The following MCC variants were observed in gnomAD, a reference collection of about 807,000 sequenced individuals.
MCC encodes the protein MCC regulator of Wnt signaling pathway.
Under a neutral mutation model 116.2 loss-of-function variants are expected in MCC, and 90 were observed. The ratio of observed to expected loss-of-function variants is 0.77; its 90% confidence interval spans 0.65 to 0.92. The LOEUF is 0.92. Among genes scored for constraint, MCC ranks in the 40% least tolerant of loss-of-function variants. The probability of loss-of-function intolerance (pLI) is 0.00; values close to 1 mark genes in which losing one functional copy is unlikely to be tolerated. For synonymous variants in MCC, 578 were observed against 510.5 expected (o/e 1.13, Z -1.78); for missense variants, 1,516 against 1,312.2 (o/e 1.16, Z -2.40).
At chr5:113,403,059 C>A (rs1222131374) in intron 1 of MCC, among the ~76,000 whole-genome samples, 1 of 152,072 alleles carries the variant, frequency 6.6e-6, no homozygotes, top group African/African-American at 2.4e-5. Context: ...AATTTGGCAG[C>A]ATCTTGTACT....
intron 4 of MCC, among the ~76,000 whole-genome samples, chr5:113,144,970 C>T (rs879926500): frequency 6.6e-6 from 1 of 151,950 alleles, no homozygotes; most frequent in Non-Finnish European, 1.5e-5. Context: ...AACAAAGATG[C>T]TGTAACCAGC....
chr5:113,138,580 C>T (rs1220881905), intron 5 of MCC, among the ~76,000 whole-genome samples: 6 of 152,148 alleles, frequency 3.9e-5, no homozygotes, highest in Non-Finnish European at 8.8e-5. Flanking sequence ...CTTAGACTTC[C>T]CAGCCCCCAG....
chr5:113,119,845 G>A (rs1479305899), intron 6 of MCC, among the ~76,000 whole-genome samples: 4 of 152,206 alleles, frequency 2.6e-5, no homozygotes, highest in South Asian at 4.1e-4. Context: ...AATGAGGGAC[G>A]GAATGAAAAG....
chr5:113,348,402 A>T (rs1768183906), intron 2 of MCC, among the ~76,000 whole-genome samples: 1 of 152,122 alleles, frequency 6.6e-6, no homozygotes, highest in Non-Finnish European at 1.5e-5. Flanking sequence ...GGAAATCAAT[A>T]ACAAGAGGAA....
intron 3 of MCC, among the ~76,000 whole-genome samples, chr5:113,324,688 A>G (rs1767507283): frequency 6.6e-6 from 1 of 152,236 alleles, no homozygotes; most frequent in African/African-American, 2.4e-5. Flanking sequence ...TAAAGGTAGC[A>G]CTGGCAATCT....
intron 1 of MCC, among the ~76,000 whole-genome samples, chr5:113,460,824 C>T (rs890062636): frequency 1.3e-5 from 2 of 152,176 alleles, no homozygotes; most frequent in Admixed American, 6.5e-5. Flanking sequence ...TTGTCAGAAA[C>T]GTAGAACCTC....
At chr5:113,207,393 G>T (rs1762954638) in intron 3 of MCC, among the ~76,000 whole-genome samples, 1 of 129,616 alleles carries the variant, frequency 7.7e-6, no homozygotes, top group Non-Finnish European at 1.6e-5. Flanking sequence ...ACAAGGCAAT[G>T]ACAGAGACAC....
In MCC at chr5:113,022,536, T is replaced by C. The variant is rs529629804; in HGVS notation, c.*4766A>G. The C allele has an allele frequency of 1.3e-5, 2 of 152,526 alleles. No individual in the cohort carries two copies. Among genetic ancestry groups the C allele is most frequent in the East Asian group, 3.9e-4 (2 of 5,190 alleles). The allele number at this position is 152,526 out of a possible 1,614,324, so 9.4% of individuals were successfully genotyped here. ...AACTAGAAAAGAAGTGGACATGTTT[T>C]ATTATCTTTGCATTACGTTCTAACA... is the stretch of plus-strand genomic sequence containing the variant. On this transcript the variant is annotated 3_prime_UTR_variant, in exon 19 of 19. Transcript: ENST00000408903.
intron 6 of MCC, among the ~76,000 whole-genome samples, chr5:113,105,912 C>T (rs190686203): frequency 2.0e-5 from 3 of 152,324 alleles, no homozygotes; most frequent in Non-Finnish European, 4.4e-5. Flanking sequence ...GACTGATGTG[C>T]TCAGTTCAGG....
At chr5:113,091,659 G>C (rs1445455147) in intron 8 of MCC, among the ~76,000 whole-genome samples, 1 of 152,102 alleles carries the variant, frequency 6.6e-6, no homozygotes, top group African/African-American at 2.4e-5. Context: ...AGGTGGGAAG[G>C]TTGCTTGACC....
intron 1 of MCC, among the ~76,000 whole-genome samples, chr5:113,449,993 TAC>T (rs1259406484): frequency 1.3e-5 from 2 of 152,200 alleles, no homozygotes; most frequent in Non-Finnish European, 2.9e-5. Flanking sequence ...TGAAATTATA[TAC>T]AGTTTGCACA....
intron 3 of MCC, among the ~76,000 whole-genome samples, chr5:113,220,380 A>T (rs573066510): frequency 7.2e-4 from 109 of 152,100 alleles, no homozygotes; most frequent in Non-Finnish European, 1.3e-3. Flanking sequence ...TTCTACTGAA[A>T]TGTCTGCTGA....
At chr5:113,375,281 T>C (rs1304070111) in intron 2 of MCC, among the ~76,000 whole-genome samples, 1 of 152,128 alleles carries the variant, frequency 6.6e-6, no homozygotes, top group Non-Finnish European at 1.5e-5. Flanking sequence ...TGACAATGAT[T>C]CTCCTTTCTC....
At chr5:113,265,491 T>C (rs1158064208) in intron 3 of MCC, among the ~76,000 whole-genome samples, 2 of 152,222 alleles carry the variant, frequency 1.3e-5, no homozygotes, top group African/African-American at 2.4e-5. Flanking sequence ...CTCCGCCTTC[T>C]AATAGGTCTT....
intron 3 of MCC, among the ~76,000 whole-genome samples, chr5:113,280,939 G>A (rs1021727114): frequency 2.0e-4 from 31 of 152,156 alleles, no homozygotes; most frequent in African/African-American, 6.5e-4. Context: ...GAAGAGCCTA[G>A]GGCTTAGGTT....
intron 3 of MCC, among the ~76,000 whole-genome samples, chr5:113,172,281 C>T (rs1226816749): frequency 6.6e-6 from 1 of 152,200 alleles, no homozygotes; most frequent in East Asian, 1.9e-4. Context: ...AAAAGGGTCT[C>T]AGGCATCAAA....
intron 3 of MCC, among the ~76,000 whole-genome samples, chr5:113,241,110 T>G (rs1764347005): frequency 6.6e-6 from 1 of 152,180 alleles, no homozygotes. Context: ...ATAGTAATAA[T>G]AAGCTCTGAG....
chr5:113,101,780 T>G lies in MCC; in HGVS notation c.1357A>C (p.Met453Leu). ...TCCCGCTCTTCCCGGATGGCATTCA[T>G]GGTGGCCTTAGTCCGGTTCAGTTCT... The part of the protein sequence containing the change: ...EEELNRTKAT[M>L]NAIREERDRL... The change falls in exon 8 of 19, where the codon ATG becomes CTG. Residue 453 changes from methionine to leucine, a missense_variant. Coordinates refer to ENST00000408903, the MANE Select transcript of MCC (RefSeq NM_001085377.2). The G allele has an allele frequency of 6.2e-7, 1 of 1,613,544 alleles. No individual in the cohort carries two copies. Among genetic ancestry groups the G allele is most frequent in the Non-Finnish European group, 8.5e-7 (1 of 1,180,018 alleles).
chr5:113,388,588 T>C (rs1769329195), intron 1 of MCC, among the ~76,000 whole-genome samples: 3 of 152,160 alleles, frequency 2.0e-5, no homozygotes, highest in Admixed American at 2.0e-4. Context: ...TCCCCCACCT[T>C]GCTCCCTCTC....
Sources: allele counts gnomAD v4.1 joint callset (sites outside exome capture counted in the v4.1 genomes callset), GRCh38; gene constraint gnomAD v4.1.1; transcripts MANE v1.5; gene names NCBI Gene and HGNC (gene_info 2026-07-23, HGNC 2026-07-21).